GBX1: variants seen among roughly 807,000 people sequenced by gnomAD.
GBX1 encodes the protein gastrulation brain homeobox 1.
A neutral mutation model predicts 22.9 loss-of-function variants in GBX1; 9 were observed. The ratio of observed to expected loss-of-function variants is 0.39; its 90% CI spans 0.24 to 0.69. The LOEUF (loss-of-function observed/expected upper bound fraction) is 0.69. Ranked by LOEUF, GBX1 falls within the 30% of genes least tolerant of loss-of-function variation. The probability of loss-of-function intolerance (pLI) is 0.43; values close to 1 mark genes in which losing one functional copy is unlikely to be tolerated. For synonymous variants in GBX1, 203 were observed against 227.3 expected (o/e 0.89, Z 0.96); for missense variants, 494 against 509.2 (o/e 0.97, Z 0.29).
At chr7:151,166,300 CT>C (rs1295378467) in intron 1 of GBX1, among the ~76,000 whole-genome samples, 1 of 152,170 alleles carries the variant, frequency 6.6e-6, no homozygotes, top group Non-Finnish European at 1.5e-5. Context: ...CACCCTAGAT[CT>C]TTGGGCCACA....
chr7:151,157,613 G>A (rs1801150445), intron 1 of GBX1, among the ~76,000 whole-genome samples: 1 of 152,134 alleles, frequency 6.6e-6, no homozygotes, highest in African/African-American at 2.4e-5. Flanking sequence ...CTTTCTGGTT[G>A]AGGTAGACAT....
At chr7:151,157,838 C>T (rs1348037346) in intron 1 of GBX1, among the ~76,000 whole-genome samples, 3 of 152,274 alleles carry the variant, frequency 2.0e-5, no homozygotes, top group African/African-American at 4.8e-5. Context: ...TTCAAGCTAG[C>T]GAATTAGTCA....
At position 151,167,456 on chromosome 7, in the gene GBX1, G is replaced by T. The variant is rs13242341; in HGVS notation, c.93C>A (p.Ile31=). 1 of 1,514,108 alleles carries T rather than the reference G, an allele frequency of 6.6e-7. No individual in the cohort carries two copies. The highest frequency in any genetic ancestry group is 1.2e-5 in the South Asian group (1 of 81,062). The allele number at this position is 1,514,108 out of a possible 1,614,324, so 93.8% of individuals were successfully genotyped here. A position where few individuals can be genotyped will look rare whatever the true frequency, so the allele number is the denominator to read the frequency against. ...GGCCGGAGCGCGGCGGCGGCGGCCC[G>T]ATTAGGGAGTCGATGGAGAAGGCAG... is the stretch of plus-strand genomic sequence containing the variant. ...PGTAFSIDSL[I]GPPPPRSGHL... Residue 31 remains isoleucine, a synonymous_variant, in exon 1 of 2, where the codon ATC becomes ATA. Coordinates refer to ENST00000297537, the MANE Select transcript of GBX1 (RefSeq NM_001098834.3). This position sits in a 1 kb window ranked among gnomAD's most constrained non-coding sequence, Gnocchi z 5.9.
chr7:151,151,682 C>T (rs1481963579), intron 1 of GBX1, among the ~76,000 whole-genome samples: 1 of 152,206 alleles, frequency 6.6e-6, no homozygotes, highest in African/African-American at 2.4e-5. Flanking sequence ...CATCTACAAG[C>T]CCTGCTAGTG....
intron 1 of GBX1, among the ~76,000 whole-genome samples, chr7:151,165,680 T>C (rs1363998937): frequency 6.6e-6 from 1 of 152,204 alleles, no homozygotes; most frequent in Non-Finnish European, 1.5e-5. Context: ...TGGGTCTTCC[T>C]GATCCAACCA....
chr7:151,150,094 TA>T (rs777344705), intron 1 of GBX1: 122 of 352,018 alleles, frequency 3.5e-4, no homozygotes, highest in Admixed American at 1.1e-3. Flanking sequence ...AAGGAAAGGG[TA>T]AAAAAGAAAT....
chr7:151,159,408 T>C (rs913419102), intron 1 of GBX1, among the ~76,000 whole-genome samples: 1 of 152,090 alleles, frequency 6.6e-6, no homozygotes, highest in Non-Finnish European at 1.5e-5. Flanking sequence ...GACAAGGTCT[T>C]GCTCTGTTGT....
intron 1 of GBX1, among the ~76,000 whole-genome samples, chr7:151,156,169 A>G (rs1801130876): frequency 6.6e-6 from 1 of 152,032 alleles, no homozygotes; most frequent in Non-Finnish European, 1.5e-5. Flanking sequence ...AGATCACTTG[A>G]GGCCAGGAGT....
chr7:151,149,280 G>C, intron 1 of GBX1, 138 bp from the exon 2 acceptor site: 1 of 771,294 alleles, frequency 1.3e-6, no homozygotes, highest in Non-Finnish European at 2.1e-6. Flanking sequence ...GAGAGGAGAA[G>C]ATGGGGAGGG....
chr7:151,165,532 T>A (rs1184183415), intron 1 of GBX1, among the ~76,000 whole-genome samples: 3 of 152,252 alleles, frequency 2.0e-5, no homozygotes, highest in Admixed American at 2.0e-4. Flanking sequence ...AATCTTTTTT[T>A]CTTAAGATCA....
chr7:151,148,915 C>T lies in GBX1; in HGVS notation c.766G>A (p.Ala256Thr), dbSNP rs1212860727. 1.2e-6 allele frequency: 2 copies of T among 1,614,200 alleles called. No individual in the cohort carries two copies. The highest frequency in any genetic ancestry group is 1.7e-6 in the Non-Finnish European group (2 of 1,180,040). The change falls in exon 2 of 2, where the codon GCT (alanine) becomes ACT (threonine). Residue 256 changes from alanine to threonine, a missense_variant. This residue lies in a region of GBX1 where 124 missense variants were observed against 152.0 expected (regional missense o/e 0.82). Coordinates refer to ENST00000297537, the MANE Select transcript of GBX1 (RefSeq NM_001098834.3). The surrounding 1 kb of genome is among the most constrained non-coding windows in gnomAD (Gnocchi z 5.1). Reference sequence around the variant, plus strand: ...CGCCGTCGGCTTTTCCCCCCAGGAGCTGTGACCCCTGCTGTCACCGGTGCC... The same window carrying T: ...CGCCGTCGGCTTTTCCCCCCAGGAGTTGTGACCCCTGCTGTCACCGGTGCC... ...EGAPVTAGVT[A>T]PGGKSRRRRT...
Position 151,150,785 on chromosome 7 carries a change from G to C in GBX1, c.539-1643C>G, listed in dbSNP as rs571411322. 5.9e-5 allele frequency among the ~76,000 whole-genome samples: 9 copies of C among 152,252 alleles called. No homozygotes were observed. The East Asian group carries it at 1.7e-3, about 29-fold the overall frequency. The stretch of plus-strand genomic sequence containing the variant: ...CTCTCACTCTGTCAGCAAGGCTGGA[G>C]TATAGTGCACAGTCTTGGCCCACTG... On this transcript the variant is annotated intron_variant, in intron 1 of 1. Transcript: ENST00000297537.
chr7:151,154,431 G>C, intron 1 of GBX1, among the ~76,000 whole-genome samples: 1 of 152,178 alleles, frequency 6.6e-6, no homozygotes, highest in South Asian at 2.1e-4. Flanking sequence ...TAGGTAAGTA[G>C]GCCAAACAGA....
intron 1 of GBX1, 41 bp downstream of exon 1, chr7:151,166,970 G>T (rs58304055): frequency 0.053 from 83,514 of 1,589,474 alleles, 2,390 homozygotes; most frequent in East Asian, 0.085. Flanking sequence ...ATTTCCAGGT[G>T]AACCGGCCTC....
At chr7:151,162,404 C>T (rs1801195933) in intron 1 of GBX1, among the ~76,000 whole-genome samples, 2 of 152,162 alleles carry the variant, frequency 1.3e-5, no homozygotes, top group South Asian at 2.1e-4. Context: ...GCTTAGCTTA[C>T]GGTAATCAGC....
chr7:151,148,832 C>A lies in GBX1; in HGVS notation c.849G>T (p.Lys283Asn). The change falls in exon 2 of 2, where the codon AAG becomes AAT. Residue 283 changes from lysine to asparagine, a missense_variant. Transcript: ENST00000297537. The surrounding 1 kb of genome is among the most constrained non-coding windows in gnomAD (Gnocchi z 5.1). ...LLELEKEFHC[K>N]KYLSLTERSQ... ...AGCGCTCTGTCAAGCTCAGGTATTT[C>A]TTGCAATGAAATTCCTTCTCCAATT... 1 of 1,614,210 alleles carries A rather than the reference C, an allele frequency of 6.2e-7. No individual in the cohort carries two copies. Among genetic ancestry groups the A allele is most frequent in the Non-Finnish European group, 8.5e-7 (1 of 1,180,046 alleles).
chr7:151,157,171 C>T (rs1292571000), intron 1 of GBX1, among the ~76,000 whole-genome samples: 1 of 151,972 alleles, frequency 6.6e-6, no homozygotes, highest in Non-Finnish European at 1.5e-5. Flanking sequence ...TGGCACATGC[C>T]TGTAGTCCCA....
chr7:151,156,247 C>T (rs1053794538), intron 1 of GBX1, among the ~76,000 whole-genome samples: 1 of 151,620 alleles, frequency 6.6e-6, no homozygotes, highest in Non-Finnish European at 1.5e-5. Flanking sequence ...ATTAGCTGGG[C>T]ACATTGGCTT....
At chr7:151,162,911 A>G (rs1468550301) in intron 1 of GBX1, among the ~76,000 whole-genome samples, 1 of 149,248 alleles carries the variant, frequency 6.7e-6, no homozygotes, top group East Asian at 2.0e-4. Flanking sequence ...GGTTCAAGTG[A>G]TTCTCCTGCC....
Sources: allele counts gnomAD v4.1 joint callset (sites outside exome capture counted in the v4.1 genomes callset), GRCh38; gene constraint gnomAD v4.1.1; regional missense constraint gnomAD v4.1.1; non-coding constraint Gnocchi (gnomAD v3.1); transcripts MANE v1.5; gene names NCBI Gene and HGNC (gene_info 2026-07-23, HGNC 2026-07-21).